The following PCDHGA9 variants were observed in gnomAD, a reference collection of about 807,000 sequenced individuals.
PCDHGA9 encodes the protein protocadherin gamma-A9.
A neutral mutation model predicts 62.5 loss-of-function variants in PCDHGA9; 37 were observed. That is an observed-to-expected ratio of 0.59 (90% CI 0.46 to 0.78). PCDHGA9 has a LOEUF of 0.78. PCDHGA9 is among the 30% of genes least tolerant of loss of function. PCDHGA9 has a pLI of 0.00. For synonymous variants in PCDHGA9, 459 were observed against 484.6 expected (o/e 0.95, Z 0.69); for missense variants, 1,138 against 1,166.2 (o/e 0.98, Z 0.35).
Position 141,511,225 on chromosome 5 carries a change from C to A in PCDHGA9, c.*52C>A. ...GGCGGCCTCTCCCCAACCAGCCCAG[C>A]TTCTCCTTACCTGCACCCAGGCCTC... On this transcript the variant is annotated 3_prime_UTR_variant, in exon 4 of 4. Transcript: ENST00000573521. The A allele has an allele frequency of 6.2e-7, 1 of 1,601,624 alleles. No individual in the cohort carries two copies. Among genetic ancestry groups the A allele is most frequent in the Non-Finnish European group, 8.5e-7 (1 of 1,174,162 alleles).
chr5:141,417,038 T>TTA (rs1491140470), intron 1 of PCDHGA9: 1 of 145,854 alleles, frequency 6.9e-6, no homozygotes, highest in Non-Finnish European at 1.5e-5. Context: ...GTTTTTTTTT[T>TTA]AAAAAAAACT....
In PCDHGA9 at chr5:141,511,445, A is replaced by G; in HGVS notation, c.*272A>G. ...GGTAGTGGGGTTACTGTAGACACCA[A>G]GAACCATTTGCCACACCCCGTTTAG... On this transcript the variant is annotated 3_prime_UTR_variant, in exon 4 of 4. Coordinates refer to ENST00000573521, the MANE Select transcript of PCDHGA9 (RefSeq NM_018921.3). 4.5e-6 allele frequency: 3 copies of G among 659,774 alleles called. No individual in the cohort carries two copies. Among genetic ancestry groups the G allele is most frequent in the Non-Finnish European group, 4.9e-6 (2 of 412,228 alleles). 40.9% of individuals were successfully genotyped at this position (659,774 alleles called of 1,614,324 possible). A position where few individuals can be genotyped will look rare whatever the true frequency, so the allele number is the denominator to read the frequency against.
intron 1 of PCDHGA9, chr5:141,478,287 G>A (rs777542913): frequency 3.7e-6 from 6 of 1,614,154 alleles, no homozygotes; most frequent in Non-Finnish European, 5.1e-6. Flanking sequence ...AAGCAGTCTA[G>A]AGACCTATAC....
At position 141,404,508 on chromosome 5, in the gene PCDHGA9, C is replaced by T. The variant is rs2154535422; in HGVS notation, c.1556C>T (p.Ser519Phe). 2 of 1,613,964 alleles carry T rather than the reference C, an allele frequency of 1.2e-6. No individual in the cohort carries two copies. Among genetic ancestry groups the T allele is most frequent in the Non-Finnish European group, 1.7e-6 (2 of 1,179,868 alleles). Reference protein sequence around the residue: ...SDTGVLYALCSFDYEQFRDLQ... With the variant: ...SDTGVLYALCFFDYEQFRDLQ... Reference sequence around the variant, plus strand: ...ACTGGTGTGCTGTATGCTCTGTGCTCCTTTGACTATGAGCAGTTTAGAGAT... The same window carrying T: ...ACTGGTGTGCTGTATGCTCTGTGCTTCTTTGACTATGAGCAGTTTAGAGAT... The change falls in exon 1 of 4, where the codon TCC becomes TTC. Residue 519 changes from serine to phenylalanine, a missense_variant. Ser to Phe is a radical substitution (Grantham distance 155). Coordinates refer to ENST00000573521, the MANE Select transcript of PCDHGA9 (RefSeq NM_018921.3).
chr5:141,483,243 ATATATCATGAGGTTTTTTTGTT>A (rs555469799), intron 1 of PCDHGA9, among the ~76,000 whole-genome samples: 11 of 151,654 alleles, frequency 7.3e-5, no homozygotes, highest in African/African-American at 2.2e-4. Context: ...ACTGATATGC[ATATATCATGAGGTTTTTTTGTT>A]TTAGAAATAT....
chr5:141,442,343 G>C (rs1300318674), intron 1 of PCDHGA9: 1 of 152,336 alleles, frequency 6.6e-6, no homozygotes, highest in Non-Finnish European at 1.5e-5. Flanking sequence ...CAGGTTTCTG[G>C]GTAACTGTAG....
In PCDHGA9 at chr5:141,486,836, G is replaced by C; in HGVS notation, c.2425-7971G>C. On this transcript the variant is annotated intron_variant, in intron 1 of 3. Coordinates refer to ENST00000573521, the MANE Select transcript of PCDHGA9 (RefSeq NM_018921.3). This position sits in a 1 kb window ranked among gnomAD's most constrained non-coding sequence, Gnocchi z 5.0. ...CAGCACTGTAACAGTTCGTCTATTT[G>C]TGCTGGACCTCAATGACAATGCTCC... 1 of 1,614,242 alleles carries C rather than the reference G, an allele frequency of 6.2e-7. No individual in the cohort carries two copies. The highest frequency in any genetic ancestry group is 8.5e-7 in the Non-Finnish European group (1 of 1,180,046).
chr5:141,452,525 G>A (rs1227647193), intron 1 of PCDHGA9, among the ~76,000 whole-genome samples: 3 of 152,126 alleles, frequency 2.0e-5, no homozygotes, highest in Admixed American at 6.5e-5. Flanking sequence ...CCTCAAAATC[G>A]TGAGTTCATA....
chr5:141,414,615 G>T, intron 1 of PCDHGA9: 1 of 1,613,962 alleles, frequency 6.2e-7, no homozygotes, highest in Non-Finnish European at 8.5e-7. Flanking sequence ...CAGTGACAGC[G>T]CTGGACCCGG....
chr5:141,415,717 A>G, intron 1 of PCDHGA9: 1 of 839,652 alleles, frequency 1.2e-6, no homozygotes, highest in Non-Finnish European at 1.8e-6. Flanking sequence ...AACACTGATG[A>G]GTAGAATTTG....
chr5:141,508,599 G>T lies in PCDHGA9; in HGVS notation c.2573-2348G>T, dbSNP rs948748985. On this transcript the variant is annotated intron_variant, in intron 3 of 3. Coordinates refer to ENST00000573521, the MANE Select transcript of PCDHGA9 (RefSeq NM_018921.3). ...CTCGGGGTGCTACTCAGAGATCTTGGGTGCACATAGGACGTGGGTGGGCCG... is the reference window on the plus strand; with the variant it reads ...CTCGGGGTGCTACTCAGAGATCTTGTGTGCACATAGGACGTGGGTGGGCCG... Among the ~76,000 whole-genome samples the T allele has an allele frequency of 3.9e-5, 6 of 152,212 alleles. No individual in the cohort carries two copies. The South Asian group carries it at 1.2e-3, about 32-fold the overall frequency.
Position 141,405,106 on chromosome 5 carries a change from C to T in PCDHGA9, c.2154C>T (p.His718=). Residue 718 remains histidine (H), a synonymous_variant, in exon 1 of 4, where the codon CAC becomes CAT. Transcript: ENST00000573521. Reference sequence around the variant, plus strand: ...CGCTGCTGGCCCTCAGGCTGAGGCACTGGCACTCCTCGCATCTGCTGCGGG... The same window carrying T: ...CGCTGCTGGCCCTCAGGCTGAGGCATTGGCACTCCTCGCATCTGCTGCGGG... ...VITLLALRLR[H]WHSSHLLRAT... 1 of 1,613,964 alleles carries T rather than the reference C, an allele frequency of 6.2e-7. No homozygotes were observed. Among genetic ancestry groups the T allele is most frequent in the South Asian group, 1.1e-5 (1 of 91,088 alleles).
chr5:141,403,943 A>T lies in PCDHGA9; in HGVS notation c.991A>T (p.Thr331Ser). Reference sequence around the variant, plus strand: ...AGATGGTGGGGGATTGAAAGGGTGGACAAAAGTGCTCATTTCGGTGGAAGA... The same window carrying T: ...AGATGGTGGGGGATTGAAAGGGTGGTCAAAAGTGCTCATTTCGGTGGAAGA... ...AEDGGGLKGW[T>S]KVLISVEDVN... is the part of the protein sequence containing the mutation. The change falls in exon 1 of 4, where the codon ACA becomes TCA. Residue 331 changes from threonine to serine, a missense_variant. Transcript: ENST00000573521. 1 of 1,613,934 alleles carries T rather than the reference A, an allele frequency of 6.2e-7. No individual in the cohort carries two copies. The highest frequency in any genetic ancestry group is 8.5e-7 in the Non-Finnish European group (1 of 1,179,886).
In PCDHGA9 at chr5:141,431,140, C is replaced by G. The variant is rs145692116; in HGVS notation, c.2424+25764C>G. The G allele has an allele frequency of 6.2e-7, 1 of 1,614,208 alleles. No individual in the cohort carries two copies. The highest frequency in any genetic ancestry group is 1.7e-5 in the Admixed American group (1 of 60,038). On this transcript the variant is annotated intron_variant, in intron 1 of 3. Transcript: ENST00000573521. This position sits in a 1 kb window ranked among gnomAD's most constrained non-coding sequence, Gnocchi z 4.8. The stretch of plus-strand genomic sequence containing the variant: ...TAGAAGTAGAAGTAAGGGACATTAA[C>G]GACAATGCGCCTTACTTTCGTGAAA...
At chr5:141,433,353 G>C (rs2097584366) in intron 1 of PCDHGA9, 4 of 603,272 alleles carry the variant, frequency 6.6e-6, no homozygotes, top group South Asian at 6.2e-5. Context: ...GCCACCTACT[G>C]TCTGCCTATC....
Position 141,490,973 on chromosome 5 carries a change from G to A in PCDHGA9, c.2425-3834G>A, listed in dbSNP as rs774983500. 5.0e-6 allele frequency: 8 copies of A among 1,613,932 alleles called. No homozygotes were observed. The highest frequency in any genetic ancestry group is 2.2e-5 in the East Asian group (1 of 44,878). On this transcript the variant is annotated intron_variant, in intron 1 of 3. Transcript: ENST00000573521. The surrounding 1 kb of genome is among the most constrained non-coding windows in gnomAD (Gnocchi z 5.4). ...GACTGGGAACACTCAGCCCCCCAGC[G>A]TCTCCCTCGCTCTGCTCCTCCTGGC...
chr5:141,473,308 A>G (rs1248143328), intron 1 of PCDHGA9, among the ~76,000 whole-genome samples: 1 of 152,234 alleles, frequency 6.6e-6, no homozygotes, highest in Non-Finnish European at 1.5e-5. Context: ...AGATTGCTAT[A>G]TTAATAAGCA....
chr5:141,432,919 C>T lies in PCDHGA9; in HGVS notation c.2424+27543C>T. ...TGGCGCTCAGGCTGCGGCGCTGGCACAAGTCACGCCTGCTGCAGGCTTCAG... is the reference window on the plus strand; with the variant it reads ...TGGCGCTCAGGCTGCGGCGCTGGCATAAGTCACGCCTGCTGCAGGCTTCAG... On this transcript the variant is annotated intron_variant, in intron 1 of 3. Coordinates refer to ENST00000573521, the MANE Select transcript of PCDHGA9 (RefSeq NM_018921.3). The surrounding 1 kb of genome is among the most constrained non-coding windows in gnomAD (Gnocchi z 6.0). The T allele has an allele frequency of 2.5e-6, 4 of 1,614,210 alleles. No individual in the cohort carries two copies. Among genetic ancestry groups the T allele is most frequent in the Non-Finnish European group, 3.4e-6 (4 of 1,180,040 alleles).
chr5:141,415,657 G>C, intron 1 of PCDHGA9: 1 of 1,576,238 alleles, frequency 6.3e-7, no homozygotes, highest in Non-Finnish European at 8.6e-7. Context: ...AAAAAAGATT[G>C]GTTTTTACTT....
Sources: allele counts gnomAD v4.1 joint callset (sites outside exome capture counted in the v4.1 genomes callset), GRCh38; gene constraint gnomAD v4.1.1; non-coding constraint Gnocchi (gnomAD v3.1); transcripts MANE v1.5; gene names NCBI Gene and HGNC (gene_info 2026-07-23, HGNC 2026-07-21).